AUTS2: variants seen among roughly 807,000 people sequenced by gnomAD.
AUTS2 encodes the protein activator of transcription and developmental regulator AUTS2.
AUTS2 carries 17 observed loss-of-function variants against 112.4 expected under a neutral mutation model. The ratio of observed to expected loss-of-function variants is 0.15; its 90% CI spans 0.10 to 0.23. The LOEUF (loss-of-function observed/expected upper bound fraction) is 0.23. Ranked by LOEUF, AUTS2 falls within the 10% of genes least tolerant of loss-of-function variation. The pLI is 1.00. For synonymous variants in AUTS2, 751 were observed against 702.7 expected, an observed-to-expected ratio of 1.07 and a Z score of -1.09; for missense variants, 1,510 against 1,701.6, an observed-to-expected ratio of 0.89 and a Z score of 1.98.
At position 70,093,323 on chromosome 7, in the gene AUTS2, C is replaced by T. The variant is rs537334727; in HGVS notation, c.523-24809C>T. Among the ~76,000 whole-genome samples the T allele has an allele frequency of 2.2e-4, 33 of 152,236 alleles. No homozygotes were observed. In the East Asian group the frequency reaches 5.4e-3, roughly 25 times the overall value. Reference sequence around the variant, plus strand: ...CTTCAGGTCTGCTGCCTCCATTCATCGTGGTTATACAAATGAGTTGTTAAA... The same window carrying T: ...CTTCAGGTCTGCTGCCTCCATTCATTGTGGTTATACAAATGAGTTGTTAAA... On this transcript the variant is annotated intron_variant, in intron 2 of 18. Coordinates refer to ENST00000342771, the MANE Select transcript of AUTS2 (RefSeq NM_015570.4).
intron 1 of AUTS2, among the ~76,000 whole-genome samples, chr7:69,759,789 CAT>C (rs1219465807): frequency 2.7e-5 from 2 of 73,606 alleles, no homozygotes; most frequent in African/African-American, 1.1e-4. Context: ...CCCCCCCCCC[CAT>C]ATAAAGGACT....
At chr7:69,875,120 A>T (rs1793674479) in intron 1 of AUTS2, among the ~76,000 whole-genome samples, 1 of 149,278 alleles carries the variant, frequency 6.7e-6, no homozygotes. Context: ...TTCTCCCCCA[A>T]CCCCATTCTT....
chr7:70,032,811 T>A (rs371241588), intron 2 of AUTS2, among the ~76,000 whole-genome samples: 1 of 152,172 alleles, frequency 6.6e-6, no homozygotes, highest in African/African-American at 2.4e-5. Flanking sequence ...CTATGTTGGT[T>A]TACTTTATTG....
At chr7:70,504,351 G>C (rs1427962539) in intron 5 of AUTS2, among the ~76,000 whole-genome samples, 1 of 151,828 alleles carries the variant, frequency 6.6e-6, no homozygotes, top group Non-Finnish European at 1.5e-5. Flanking sequence ...CACAATCAGA[G>C]ACCTCTGTTG....
At chr7:70,660,551 A>G (rs1807016067) in intron 5 of AUTS2, among the ~76,000 whole-genome samples, 1 of 152,182 alleles carries the variant, frequency 6.6e-6, no homozygotes, top group Non-Finnish European at 1.5e-5. Context: ...GGGGCAGAAT[A>G]TGAGGAAGGC....
At chr7:70,520,051 A>G (rs1277154080) in intron 5 of AUTS2, among the ~76,000 whole-genome samples, 2 of 152,136 alleles carry the variant, frequency 1.3e-5, no homozygotes, top group Non-Finnish European at 2.9e-5. Flanking sequence ...CTTTCAGTCT[A>G]TGGCTTGTCT....
At chr7:70,075,861 A>G (rs1337944972) in intron 2 of AUTS2, among the ~76,000 whole-genome samples, 2 of 152,230 alleles carry the variant, frequency 1.3e-5, no homozygotes, top group Admixed American at 6.5e-5. Flanking sequence ...TATGCCATCT[A>G]TATTCCTTCT....
At chr7:70,089,501 A>G (rs1201812825) in intron 2 of AUTS2, among the ~76,000 whole-genome samples, 1 of 151,352 alleles carries the variant, frequency 6.6e-6, no homozygotes, top group Admixed American at 6.6e-5. Flanking sequence ...TTTAGAGTCC[A>G]TTTTTTTTAA....
At chr7:69,806,635 AT>A (rs920274971) in intron 1 of AUTS2, among the ~76,000 whole-genome samples, 1 of 152,024 alleles carries the variant, frequency 6.6e-6, no homozygotes, top group Non-Finnish European at 1.5e-5. Flanking sequence ...CGCCTGGCTA[AT>A]TTTTTTGATG....
At chr7:70,098,555 C>T (rs941150275) in intron 2 of AUTS2, among the ~76,000 whole-genome samples, 1 of 151,916 alleles carries the variant, frequency 6.6e-6, no homozygotes, top group Non-Finnish European at 1.5e-5. Context: ...GGTTGACAGC[C>T]TGGAGTCTCA....
At chr7:70,173,506 G>T (rs1182625337) in intron 4 of AUTS2, among the ~76,000 whole-genome samples, 1 of 152,184 alleles carries the variant, frequency 6.6e-6, no homozygotes, top group East Asian at 1.9e-4. Context: ...TTACATGACA[G>T]TAGCATGTAC....
chr7:69,785,664 T>A (rs1789337873), intron 1 of AUTS2, among the ~76,000 whole-genome samples: 1 of 152,244 alleles, frequency 6.6e-6, no homozygotes, highest in Non-Finnish European at 1.5e-5. Flanking sequence ...GTTTTCTGGA[T>A]TGCTCTGATA....
rs191303239 is a variant in AUTS2, at chr7:70,410,849, T to G, written c.661-24903T>G. Among the ~76,000 whole-genome samples, 4 of 149,852 alleles carry G rather than the reference T, an allele frequency of 2.7e-5. No homozygotes were observed. The South Asian group carries it at 8.5e-4, about 32-fold the overall frequency. On this transcript the variant is annotated intron_variant, in intron 4 of 18. Coordinates refer to ENST00000342771, the MANE Select transcript of AUTS2 (RefSeq NM_015570.4). ...AGGAAATAAATTATTATTATTATTA[T>G]TGTTATTATTATTATTATTATTATT...
chr7:69,871,381 C>G (rs1793489447), intron 1 of AUTS2, among the ~76,000 whole-genome samples: 2 of 152,172 alleles, frequency 1.3e-5, no homozygotes, highest in Admixed American at 6.5e-5. Context: ...GTAGTCCCCC[C>G]TTTATCCATG....
chr7:70,195,630 G>A (rs185072548), intron 4 of AUTS2, among the ~76,000 whole-genome samples: 4 of 152,266 alleles, frequency 2.6e-5, no homozygotes, highest in Admixed American at 6.5e-5. Flanking sequence ...CAGCCTGCAC[G>A]ACACAGTGAA....
In AUTS2 at chr7:69,611,936, C is replaced by CAAA. The variant is rs896215968; in HGVS notation, c.309+11993_309+11995dup. 3.0e-3 allele frequency among the ~76,000 whole-genome samples: 255 copies of CAAA among 85,762 alleles called. 19 individuals are homozygous for CAAA. Among genetic ancestry groups the CAAA allele is most frequent in the African/African-American group, 0.012 (241 of 20,374 alleles). 56.3% of individuals were successfully genotyped at this position (85,762 alleles called of 152,430 possible). A position where few individuals can be genotyped will look rare whatever the true frequency, so the allele number is the denominator to read the frequency against. On this transcript the variant is annotated intron_variant, in intron 1 of 18. Transcript: ENST00000342771. ...TGGGCGACAGAGCGAGACTCCGTCT[C>CAAA]AAAAAAAAAAAAAAAAAAAAATTGT...
intron 2 of AUTS2, among the ~76,000 whole-genome samples, chr7:69,960,238 C>T (rs768721878): frequency 5.3e-5 from 8 of 152,146 alleles, no homozygotes; most frequent in Non-Finnish European, 1.0e-4. Context: ...AATTGCTGCG[C>T]TCTAAGTAGA....
intron 4 of AUTS2, among the ~76,000 whole-genome samples, chr7:70,210,788 G>T (rs1024632645): frequency 2.0e-5 from 3 of 152,282 alleles, no homozygotes; most frequent in South Asian, 4.1e-4. Flanking sequence ...TCTTCTGGTT[G>T]GGCTCCTTGA....
intron 1 of AUTS2, among the ~76,000 whole-genome samples, chr7:69,886,795 G>GTC (rs1288797392): frequency 6.6e-6 from 1 of 151,634 alleles, no homozygotes; most frequent in Non-Finnish European, 1.5e-5. Flanking sequence ...GTGTGTGTGT[G>GTC]TGTGTGTGTG....
Sources: gnomAD v4.1 joint callset for allele counts (sites outside exome capture counted in the v4.1 genomes callset) on GRCh38, gnomAD v4.1.1 for gene constraint, MANE v1.5 for transcripts, NCBI Gene and HGNC (gene_info 2026-07-23, HGNC 2026-07-21) for gene names.